The following SLC12A2 variants were observed in gnomAD, a reference collection of about 807,000 sequenced individuals.
SLC12A2 encodes the protein Na-K-2Cl cotransporter 1.
In SLC12A2, 67 loss-of-function variants were observed where a neutral mutation model predicts 136.3. That is an observed-to-expected ratio of 0.49 (90% CI 0.40 to 0.60). The LOEUF is 0.60. Among genes scored for constraint, SLC12A2 ranks in the 20% least tolerant of loss-of-function variants. The pLI is 0.00. For missense variants in SLC12A2, 1,322 were observed against 1,534.7 expected, an observed-to-expected ratio of 0.86 and a Z score of 2.32; for synonymous variants, 619 against 562.9, an observed-to-expected ratio of 1.10 and a Z score of -1.41.
At chr5:128,179,585 T>C (rs868517634) in intron 22 of SLC12A2, among the ~76,000 whole-genome samples, 4 of 152,172 alleles carry the variant, frequency 2.6e-5, no homozygotes, top group African/African-American at 7.2e-5. Flanking sequence ...CTTTTACTTA[T>C]GGCAGAAGGC....
chr5:128,176,977 T>A, intron 20 of SLC12A2, 128 bp from the exon 21 acceptor site: 1 of 535,908 alleles, frequency 1.9e-6, no homozygotes. Context: ...TCTTCAGTCT[T>A]GATTATTTTT....
In SLC12A2 at chr5:128,131,054, T is replaced by C; in HGVS notation, c.1049-13T>C. On this transcript the variant is annotated splice_polypyrimidine_tract_variant and intron_variant, in intron 4 of 26. Transcript: ENST00000262461. ...TTAGTACCTGTTTTTTTTGTTTGTTTGTTTGTTTTTAGGAGGAGCATATTA... is the reference window on the plus strand; with the variant it reads ...TTAGTACCTGTTTTTTTTGTTTGTTCGTTTGTTTTTAGGAGGAGCATATTA... 2 of 1,611,728 alleles carry C rather than the reference T, an allele frequency of 1.2e-6. No individual in the cohort carries two copies. The highest frequency in any genetic ancestry group is 1.7e-6 in the Non-Finnish European group (2 of 1,178,970).
chr5:128,120,175 G>A lies in SLC12A2; in HGVS notation c.1048+5494G>A, dbSNP rs1283521112. On this transcript the variant is annotated intron_variant, in intron 4 of 26. Transcript: ENST00000262461. ...CACAATGAGATACCATCTCACACCA[G>A]TTAGAATGGCAATCATTAAAAAGTC... Among the ~76,000 whole-genome samples, 21 of 152,124 alleles carry A rather than the reference G, an allele frequency of 1.4e-4. No individual in the cohort carries two copies. In the South Asian group the frequency reaches 1.5e-3, roughly 11 times the overall value.
chr5:128,167,437 T>A (rs1763237654), intron 17 of SLC12A2, among the ~76,000 whole-genome samples: 1 of 152,274 alleles, frequency 6.6e-6, no homozygotes, highest in Non-Finnish European at 1.5e-5. Context: ...AATGCCACTG[T>A]ATTATAATTT....
At chr5:128,112,979 G>T in intron 2 of SLC12A2, 46 bp downstream of exon 2, 2 of 1,485,128 alleles carry the variant, frequency 1.3e-6, no homozygotes, top group Non-Finnish European at 1.8e-6. Context: ...ATATCTGTTG[G>T]TTATAAAATC....
chr5:128,145,971 C>G (rs2126717228), intron 10 of SLC12A2, among the ~76,000 whole-genome samples: 1 of 152,066 alleles, frequency 6.6e-6, no homozygotes, highest in East Asian at 1.9e-4. Flanking sequence ...CACAGCTGTT[C>G]AAGTTGACAA....
chr5:128,084,297 C>T lies in SLC12A2; in HGVS notation c.343C>T (p.Gln115Ter), dbSNP rs1281887994. Reference sequence around the variant, plus strand: ...GGCTGGTGCTGGGGCGGGGGCCAAGCAGACCCCCGCGGACGGGGAAGCCAG... The same window carrying T: ...GGCTGGTGCTGGGGCGGGGGCCAAGTAGACCCCCGCGGACGGGGAAGCCAG... ...AAAGAGAGAK[Q>*]TPADGEASGE... The change falls in exon 1 of 27, where the codon CAG becomes TAG. Residue 115 changes from glutamine (Q) to a stop codon, truncating the protein, a stop_gained. Transcript: ENST00000262461. LOFTEE classifies it high-confidence loss of function. The surrounding 1 kb of genome is among the most constrained non-coding windows in gnomAD (Gnocchi z 5.6). 2 of 1,499,946 alleles carry T rather than the reference C, an allele frequency of 1.3e-6. No homozygotes were observed. The highest frequency in any genetic ancestry group is 2.5e-5 in the East Asian group (1 of 40,714). The allele number at this position is 1,499,946 out of a possible 1,614,324, so 92.9% of individuals were successfully genotyped here.
At chr5:128,151,423 C>A in intron 14 of SLC12A2, 27 bp downstream of exon 14, 1 of 1,588,272 alleles carries the variant, frequency 6.3e-7, no homozygotes, top group South Asian at 1.2e-5. Flanking sequence ...GTTTATATCC[C>A]AAGCTAGAAA....
intron 13 of SLC12A2, 94 bp downstream of exon 13, chr5:128,150,192 G>T: frequency 1.3e-6 from 1 of 763,430 alleles, no homozygotes; most frequent in East Asian, 2.6e-5. Context: ...TTATGTGTGG[G>T]GTTAGTTCAT....
rs1554105175 is a variant in SLC12A2, at chr5:128,126,966, A to AT, written c.1049-4080dup. On this transcript the variant is annotated intron_variant, in intron 4 of 26. Coordinates refer to ENST00000262461, the MANE Select transcript of SLC12A2 (RefSeq NM_001046.3). ...CATATATATATATATATATATATAT[A>AT]TTTTTTTTTTTTTTTTTTTTTGCAT... is the stretch of plus-strand genomic sequence containing the variant. Among the ~76,000 whole-genome samples the AT allele has an allele frequency of 1.3e-3, 28 of 21,162 alleles. 2 individuals are homozygous for AT. The highest frequency in any genetic ancestry group is 0.12 in the Middle Eastern group (1 of 8). The allele number at this position is 21,162 out of a possible 152,430, so 13.9% of individuals were successfully genotyped here. A position where few individuals can be genotyped will look rare whatever the true frequency, so the allele number is the denominator to read the frequency against.
chr5:128,186,513 G>A lies in SLC12A2; in HGVS notation c.3521G>A (p.Arg1174Gln), dbSNP rs747015603. ...NIIVMSLPVA[R>Q]KGAVSSALYM... ...GATACCAGGAGTCTCCCAGTTGCAC[G>A]AAAAGGTGCTGTGTCTAGTGCTCTC... Residue 1174 changes from arginine (R) to glutamine (Q), a missense_variant, in exon 27 of 27, where the codon CGA becomes CAA. Arg to Gln is a conservative substitution (Grantham distance 43). Coordinates refer to ENST00000262461, the MANE Select transcript of SLC12A2 (RefSeq NM_001046.3). 4 of 1,608,226 alleles carry A rather than the reference G, an allele frequency of 2.5e-6. No homozygotes were observed. The highest frequency in any genetic ancestry group is 1.7e-5 in the Admixed American group (1 of 59,302).
rs1315141972 is a variant in SLC12A2 at position 128,084,900 on chromosome 5, C to G, written c.756+190C>G. ...AACTTAATCTCTCAAAAGTTTGTAG[C>G]GGGTTTGGCTAGTTACGTGATACCG... On this transcript the variant is annotated intron_variant, in intron 1 of 26. Transcript: ENST00000262461. This position sits in a 1 kb window ranked among gnomAD's most constrained non-coding sequence, Gnocchi z 5.6. 6.6e-6 allele frequency among the ~76,000 whole-genome samples: 1 copy of G among 151,080 alleles called. No individual in the cohort carries two copies. Among genetic ancestry groups the G allele is most frequent in the African/African-American group, 2.4e-5 (1 of 40,994 alleles).
In SLC12A2 at chr5:128,188,125, G is replaced by C. The variant is rs868152981; in HGVS notation, c.*1494G>C. 7.2e-5 allele frequency: 11 copies of C among 151,980 alleles called. No individual in the cohort carries two copies. Among genetic ancestry groups the C allele is most frequent in the Non-Finnish European group, 1.5e-4 (10 of 67,982 alleles). 9.4% of individuals were successfully genotyped at this position (151,980 alleles called of 1,614,324 possible). ...ACATATGTTCAAAATCAGATTAACA[G>C]ATACAGGTTTCATAGAGAACAAAGG... On this transcript the variant is annotated 3_prime_UTR_variant, in exon 27 of 27. Transcript: ENST00000262461.
At chr5:128,093,878 C>T (rs948134039) in intron 1 of SLC12A2, among the ~76,000 whole-genome samples, 1 of 152,068 alleles carries the variant, frequency 6.6e-6, no homozygotes, top group Non-Finnish European at 1.5e-5. Flanking sequence ...CCCAATGCTC[C>T]CTGCATTGTC....
At chr5:128,129,391 T>G (rs756161739) in intron 4 of SLC12A2, among the ~76,000 whole-genome samples, 14 of 152,064 alleles carry the variant, frequency 9.2e-5, no homozygotes, top group Non-Finnish European at 1.8e-4. Flanking sequence ...TAATTGGAGT[T>G]TTTAGTGTTC....
At chr5:128,149,030 A>C (rs1414732636) in intron 12 of SLC12A2, among the ~76,000 whole-genome samples, 153 bp downstream of exon 12, 3 of 151,852 alleles carry the variant, frequency 2.0e-5, no homozygotes, top group African/African-American at 7.2e-5. Flanking sequence ...TAGCATGAGT[A>C]CATATTTGCT....
rs977324718 is a variant in SLC12A2, at chr5:128,189,173, A to G, written c.*2542A>G. 3 of 152,208 alleles carry G rather than the reference A, an allele frequency of 2.0e-5. No homozygotes were observed. The highest frequency in any genetic ancestry group is 4.4e-5 in the Non-Finnish European group (3 of 68,022). 9.4% of individuals were successfully genotyped at this position (152,208 alleles called of 1,614,324 possible). The stretch of plus-strand genomic sequence containing the variant: ...TTTCAAGGTTATAGTACTTATTTCA[A>G]CAATTCTTAGAGATGCTAGCTAGTG... On this transcript the variant is annotated 3_prime_UTR_variant, in exon 27 of 27. Transcript: ENST00000262461.
At chr5:128,153,252 T>C (rs1252853356) in intron 15 of SLC12A2, among the ~76,000 whole-genome samples, 6 of 152,332 alleles carry the variant, frequency 3.9e-5, no homozygotes, top group African/African-American at 1.4e-4. Context: ...TAAATGACTT[T>C]AAGAATATAT....
In SLC12A2 at chr5:128,186,917, C is replaced by G. The variant is rs904696337; in HGVS notation, c.*286C>G. 2.8e-5 allele frequency: 7 copies of G among 250,198 alleles called. No individual in the cohort carries two copies. Among genetic ancestry groups the G allele is most frequent in the Non-Finnish European group, 5.4e-5 (7 of 130,660 alleles). The allele number at this position is 250,198 out of a possible 1,614,324, so 15.5% of individuals were successfully genotyped here. A position where few individuals can be genotyped will look rare whatever the true frequency, so the allele number is the denominator to read the frequency against. ...TTGAATAGCAATAAAAGCGTGTTAA[C>G]TTTTTGATTGATGAAAGAAGTACAA... is the stretch of plus-strand genomic sequence containing the variant. On this transcript the variant is annotated 3_prime_UTR_variant, in exon 27 of 27. Coordinates refer to ENST00000262461, the MANE Select transcript of SLC12A2 (RefSeq NM_001046.3).
Sources: allele counts gnomAD v4.1 joint callset (sites outside exome capture counted in the v4.1 genomes callset), GRCh38; gene constraint gnomAD v4.1.1; non-coding constraint Gnocchi (gnomAD v3.1); transcripts MANE v1.5; gene names NCBI Gene and HGNC (gene_info 2026-07-23, HGNC 2026-07-21).